The following DCAF8L2 variants were observed in gnomAD, a reference collection of about 807,000 sequenced individuals.
DCAF8L2 encodes DDB1- and CUL4-associated factor 8-like protein 2.
For missense variants in DCAF8L2, 430 were observed against 490.7 expected, an observed-to-expected ratio of 0.88 and a Z score of 1.17; for synonymous variants, 200 against 190.9, an observed-to-expected ratio of 1.05 and a Z score of -0.39.
chrX:27,660,164 A>G (rs1479416261), intron 2 of DCAF8L2, among the ~76,000 whole-genome samples: 1 of 111,156 alleles, frequency 9.0e-6, no homozygotes, highest in Admixed American at 9.5e-5. Flanking sequence ...CTGGGATTAC[A>G]GGCACCCACC....
chrX:27,608,805 A>G (rs1377718294), intron 1 of DCAF8L2, among the ~76,000 whole-genome samples: 2 of 110,299 alleles, frequency 1.8e-5, no homozygotes, highest in Non-Finnish European at 3.8e-5. Flanking sequence ...GCCAAACTGC[A>G]TGGCAATTTC....
At chrX:27,471,558 T>C in the DCAF8L2 span, among the ~76,000 whole-genome samples, 1 of 110,896 alleles carries the variant, frequency 9.0e-6, no homozygotes, top group African/African-American at 3.3e-5. Context: ...TATTTTCATA[T>C]CTCCTTCCTC....
intron 3 of DCAF8L2, among the ~76,000 whole-genome samples, chrX:27,695,705 G>T (rs993008184): frequency 9.0e-6 from 1 of 111,197 alleles, no homozygotes; most frequent in Non-Finnish European, 1.9e-5. Context: ...TAACCAACAC[G>T]TGTGTCCTGA....
At chrX:27,654,414 T>C (rs1041616369) in intron 2 of DCAF8L2, among the ~76,000 whole-genome samples, 3 of 112,367 alleles carry the variant, frequency 2.7e-5, no homozygotes, top group Non-Finnish European at 3.8e-5. Context: ...AGGAATCAAA[T>C]AACTATATAA....
chrX:27,555,926 C>T, the DCAF8L2 span, among the ~76,000 whole-genome samples: 1 of 111,376 alleles, frequency 9.0e-6, no homozygotes. Flanking sequence ...CACTGACACC[C>T]CCACTTTCTC....
chrX:27,610,624 A>T (rs1288159639), intron 1 of DCAF8L2, among the ~76,000 whole-genome samples: 1 of 111,646 alleles, frequency 9.0e-6, no homozygotes, highest in Non-Finnish European at 1.9e-5. Context: ...AAGGAAAACC[A>T]AACAGAAGCT....
chrX:27,675,047 A>T (rs1930094402), intron 2 of DCAF8L2, among the ~76,000 whole-genome samples: 1 of 111,573 alleles, frequency 9.0e-6, no homozygotes. Flanking sequence ...GTTCCAAGTA[A>T]TTTTTTTTAT....
the DCAF8L2 span, among the ~76,000 whole-genome samples, chrX:27,575,121 G>A: frequency 1.6e-4 from 18 of 111,481 alleles, no homozygotes; most frequent in Non-Finnish European, 2.3e-4. Flanking sequence ...TGGGGCACTC[G>A]ACGGCCCCGG....
intron 4 of DCAF8L2, among the ~76,000 whole-genome samples, chrX:27,731,188 T>A (rs369723678): frequency 3.7e-5 from 4 of 109,522 alleles, no homozygotes; most frequent in African/African-American, 1.3e-4. Context: ...TCCTGAGGTG[T>A]AACTCCTGAG....
the DCAF8L2 span, among the ~76,000 whole-genome samples, chrX:27,503,029 C>T: frequency 9.0e-6 from 1 of 111,706 alleles, no homozygotes. Flanking sequence ...GTGCTCATAT[C>T]AGTAAAACAA....
chrX:27,656,069 C>G (rs1444847017), intron 2 of DCAF8L2, among the ~76,000 whole-genome samples: 1 of 111,515 alleles, frequency 9.0e-6, no homozygotes, highest in African/African-American at 3.3e-5. Context: ...CTGAGAGATG[C>G]AGCAGAATAT....
intron 2 of DCAF8L2, among the ~76,000 whole-genome samples, chrX:27,651,505 C>CTTTTTTT (rs1170253991): frequency 1.1e-5 from 1 of 88,215 alleles, no homozygotes. Context: ...AGTAGATAAC[C>CTTTTTTT]TTTTTTTTTT....
At chrX:27,700,744 A>G in intron 3 of DCAF8L2, among the ~76,000 whole-genome samples, 1 of 111,236 alleles carries the variant, frequency 9.0e-6, no homozygotes, top group Non-Finnish European at 1.9e-5. Context: ...ACCAACATTC[A>G]CTCACTATTT....
At chrX:27,585,006 A>AAT in the DCAF8L2 span, among the ~76,000 whole-genome samples, 1 of 111,428 alleles carries the variant, frequency 9.0e-6, no homozygotes, top group Non-Finnish European at 1.9e-5. Flanking sequence ...AAACGGTGAT[A>AAT]GTATTGAGGT....
Position 27,611,491 on chromosome X carries a change from C to T in DCAF8L2, c.-341-20388C>T, listed in dbSNP as rs746947096. Among the ~76,000 whole-genome samples the T allele has an allele frequency of 1.2e-4, 13 of 109,613 alleles. No homozygotes were observed. The East Asian group carries it at 2.3e-3, about 19-fold the overall frequency. ...TAAGTTCTGGGGTACATGTCCACAG[C>T]GTGCAAGTTTGTGACATATGTTTAC... On this transcript the variant is annotated intron_variant, in intron 1 of 4. Transcript: ENST00000451261.
At chrX:27,618,084 C>T (rs1233897532) in intron 1 of DCAF8L2, among the ~76,000 whole-genome samples, 1 of 111,533 alleles carries the variant, frequency 9.0e-6, no homozygotes, top group East Asian at 2.8e-4. Context: ...TAGAAAAACA[C>T]AGGAGCTTAG....
upstream of DCAF8L2, among the ~76,000 whole-genome samples, chrX:27,587,986 ATATATATATAT>A (rs1319970933): frequency 1.2e-4 from 6 of 51,748 alleles, no homozygotes; most frequent in South Asian, 1.3e-3. Context: ...AAAAAAAAAA[ATATATATATAT>A]ATATATATAT....
the DCAF8L2 span, among the ~76,000 whole-genome samples, chrX:27,555,004 T>C: frequency 1.8e-5 from 2 of 111,247 alleles, no homozygotes; most frequent in African/African-American, 6.5e-5. Flanking sequence ...GAACACCTGA[T>C]AGAGAATGAA....
chrX:27,482,266 A>C, the DCAF8L2 span, among the ~76,000 whole-genome samples: 1 of 111,614 alleles, frequency 9.0e-6, no homozygotes, highest in Non-Finnish European at 1.9e-5. Context: ...ATGTGGTCCT[A>C]TGTTAAAATT....
Sources: allele counts gnomAD v4.1 joint callset (sites outside exome capture counted in the v4.1 genomes callset), GRCh38; gene constraint gnomAD v4.1.1; transcripts MANE v1.5; gene names NCBI Gene and HGNC (gene_info 2026-07-23, HGNC 2026-07-21).